EYS: variants seen among roughly 807,000 people sequenced by gnomAD.
EYS encodes the protein EGF-like photoreceptor maintenance factor, also known as protein eyes shut homolog.
In EYS, 250 loss-of-function variants were observed where a neutral mutation model predicts 282.1. The ratio of observed to expected loss-of-function variants is 0.89; its 90% CI spans 0.80 to 0.98. The LOEUF (loss-of-function observed/expected upper bound fraction) is 0.98. Among genes scored for constraint, EYS ranks in the 50% least tolerant of loss-of-function variants. The pLI, the probability that EYS is intolerant of heterozygous loss-of-function variation, is 0.00. For missense variants in EYS, 4,016 were observed against 3,709.0 expected (o/e 1.08, Z -2.15); for synonymous variants, 1,355 against 1,282.9 (o/e 1.06, Z -1.20).
At chr6:65,568,925 T>C (rs905879255) in intron 2 of EYS, among the ~76,000 whole-genome samples, 3 of 152,158 alleles carry the variant, frequency 2.0e-5, no homozygotes, top group Non-Finnish European at 4.4e-5. Context: ...GCCTCTAACT[T>C]CCAAACTGTC....
Position 64,125,785 on chromosome 6 carries a change from CAAAAAAAA to C in EYS, c.6425-43791_6425-43784del, listed in dbSNP as rs920132590. The stretch of plus-strand genomic sequence containing the variant: ...TGGGCGACAGAGCAAGACTCCGTCT[CAAAAAAAA>C]AAAAAAAAAAAAAAAAGTTGTCAAC... On this transcript the variant is annotated intron_variant, in intron 31 of 42. Transcript: ENST00000503581. Among the ~76,000 whole-genome samples, 5 of 50,018 alleles carry C rather than the reference CAAAAAAAA, an allele frequency of 1.0e-4. No homozygotes were observed. The South Asian group carries it at 2.3e-3, about 23-fold the overall frequency. The allele number at this position is 50,018 out of a possible 152,430, so 32.8% of individuals were successfully genotyped here. A position where few individuals can be genotyped will look rare whatever the true frequency, so the allele number is the denominator to read the frequency against.
intron 29 of EYS, among the ~76,000 whole-genome samples, chr6:64,326,961 C>T (rs1468587878): frequency 6.6e-6 from 1 of 152,046 alleles, no homozygotes; most frequent in Non-Finnish European, 1.5e-5. Context: ...CTGGGAGAGG[C>T]CCACTGACTC....
At chr6:65,581,575 C>T (rs1055765103) in intron 2 of EYS, among the ~76,000 whole-genome samples, 13 of 152,168 alleles carry the variant, frequency 8.5e-5, no homozygotes, top group African/African-American at 3.1e-4. Context: ...ACAACAATCC[C>T]TCCTAATGTT....
chr6:64,312,307 C>G (rs1034493299), intron 29 of EYS, among the ~76,000 whole-genome samples: 1 of 152,102 alleles, frequency 6.6e-6, no homozygotes, highest in Non-Finnish European at 1.5e-5. Flanking sequence ...AGCAAGGGTG[C>G]TGTGGCCAGA....
chr6:65,515,874 T>TG (rs1323112570), intron 2 of EYS, among the ~76,000 whole-genome samples: 6 of 151,252 alleles, frequency 4.0e-5, no homozygotes, highest in African/African-American at 1.5e-4. Context: ...CACACCAGCA[T>TG]GGCACATGTA....
chr6:65,472,365 T>G (rs1249234992), intron 5 of EYS, among the ~76,000 whole-genome samples: 1 of 152,076 alleles, frequency 6.6e-6, no homozygotes, highest in East Asian at 1.9e-4. Flanking sequence ...AAACAGGAGA[T>G]GTTTTATAAT....
intron 33 of EYS, among the ~76,000 whole-genome samples, chr6:64,047,019 A>C (rs114128456): frequency 0.036 from 5,426 of 152,262 alleles, 89 homozygotes; most frequent in Non-Finnish European, 0.049. Flanking sequence ...GCTAAGTGTT[A>C]ATGATAACAT....
intron 39 of EYS, 174 bp from the exon 40 acceptor site, chr6:63,778,354 A>G: frequency 1.6e-6 from 1 of 625,370 alleles, no homozygotes; most frequent in South Asian, 2.0e-5. Flanking sequence ...TTTAAAAGTC[A>G]TTCATGATAT....
intron 40 of EYS, among the ~76,000 whole-genome samples, chr6:63,774,174 CTT>C (rs797017727): frequency 6.9e-6 from 1 of 145,980 alleles, no homozygotes. Flanking sequence ...CACTGCTTTT[CTT>C]TTTTTTTTTC....
chr6:65,163,963 A>G (rs1322886638), intron 12 of EYS, among the ~76,000 whole-genome samples: 1 of 151,264 alleles, frequency 6.6e-6, no homozygotes, highest in African/African-American at 2.4e-5. Context: ...TTCTTATCAG[A>G]TGCATCCCTG....
intron 2 of EYS, among the ~76,000 whole-genome samples, chr6:65,562,410 C>T (rs1303246355): frequency 6.6e-6 from 1 of 151,942 alleles, no homozygotes; most frequent in Non-Finnish European, 1.5e-5. Flanking sequence ...TATTCCCATA[C>T]TGTTATCCAA....
intron 3 of EYS, 58 bp from the exon 4 acceptor site, chr6:65,495,665 G>A: frequency 1.8e-6 from 1 of 545,052 alleles, no homozygotes. Flanking sequence ...TAATAATATA[G>A]AAAATGCTAG....
chr6:65,671,902 G>T (rs1365848722), intron 1 of EYS, among the ~76,000 whole-genome samples: 1 of 152,122 alleles, frequency 6.6e-6, no homozygotes, highest in Non-Finnish European at 1.5e-5. Context: ...TTCCCTATTT[G>T]AATCTAAGTG....
chr6:64,471,303 GTC>G (rs1419866931), intron 26 of EYS, among the ~76,000 whole-genome samples: 1 of 152,208 alleles, frequency 6.6e-6, no homozygotes, highest in African/African-American at 2.4e-5. Context: ...AAGTCAAATT[GTC>G]TCTGTTTGCA....
chr6:65,155,539 T>C (rs933353595), intron 12 of EYS, among the ~76,000 whole-genome samples: 2 of 151,534 alleles, frequency 1.3e-5, no homozygotes, highest in Admixed American at 1.3e-4. Flanking sequence ...AAACGTTTGC[T>C]GAAATGTATA....
rs142845054 is a variant in EYS at position 64,264,587 on chromosome 6, T to C, written c.6192-33763A>G. Reference sequence around the variant, plus strand: ...AAATCACAAAGCCCCAGAGTCAAGGTGTGAGATAATAGACTTCACTTCTTA... The same window carrying C: ...AAATCACAAAGCCCCAGAGTCAAGGCGTGAGATAATAGACTTCACTTCTTA... On this transcript the variant is annotated intron_variant, in intron 30 of 42. Coordinates refer to ENST00000503581, the MANE Select transcript of EYS (RefSeq NM_001142800.2). Among the ~76,000 whole-genome samples the C allele has an allele frequency of 2.3e-4, 35 of 152,194 alleles. No homozygotes were observed. The East Asian group carries it at 6.4e-3, about 28-fold the overall frequency.
intron 26 of EYS, among the ~76,000 whole-genome samples, chr6:64,467,784 C>T (rs1021245953): frequency 2.0e-5 from 3 of 152,126 alleles, no homozygotes; most frequent in Admixed American, 2.0e-4. Flanking sequence ...CCCACCCCAC[C>T]CACAGCTGGC....
chr6:65,332,908 T>A lies in EYS; in HGVS notation c.1766+2072A>T, dbSNP rs867897671. Among the ~76,000 whole-genome samples, 59 of 151,570 alleles carry A rather than the reference T, an allele frequency of 3.9e-4. 1 individual carries two copies. The highest frequency in any genetic ancestry group is 1.4e-3 in the African/African-American group (57 of 41,514). ...TTTTATCGAAGTTAACTAATTTTTT[T>A]AATTTACAGTTGTTCATAGCATTTC... On this transcript the variant is annotated intron_variant, in intron 11 of 42. Coordinates refer to ENST00000503581, the MANE Select transcript of EYS (RefSeq NM_001142800.2).
At chr6:64,806,292 T>C (rs1176303882) in intron 22 of EYS, among the ~76,000 whole-genome samples, 1 of 151,912 alleles carries the variant, frequency 6.6e-6, no homozygotes, top group African/African-American at 2.4e-5. Context: ...ATGGTTATTG[T>C]ACAATCAATA....
Sources: allele counts gnomAD v4.1 joint callset (sites outside exome capture counted in the v4.1 genomes callset), GRCh38; gene constraint gnomAD v4.1.1; transcripts MANE v1.5; gene names NCBI Gene and HGNC (gene_info 2026-07-23, HGNC 2026-07-21).